CDH23: variants seen among roughly 807,000 people sequenced by gnomAD.
CDH23 encodes the protein cadherin related 23.
A neutral mutation model predicts 317.1 loss-of-function variants in CDH23; 189 were observed. The observed-to-expected ratio is 0.60, with a 90% CI of 0.53 to 0.67. The LOEUF (loss-of-function observed/expected upper bound fraction) is 0.67, where lower values mean the gene tolerates loss of function less well. Ranked by LOEUF, CDH23 falls within the 30% of genes least tolerant of loss-of-function variation. CDH23 has a pLI of 0.00. For synonymous variants in CDH23, 1,839 were observed against 1,876.8 expected, an observed-to-expected ratio of 0.98 and a Z score of 0.52; for missense variants, 4,401 against 4,592.4, an observed-to-expected ratio of 0.96 and a Z score of 1.20.
intron 1 of CDH23, among the ~76,000 whole-genome samples, chr10:71,406,634 C>T (rs577042782): frequency 7.9e-5 from 12 of 152,268 alleles, no homozygotes; most frequent in African/African-American, 2.6e-4. Context: ...TTGCCGGACA[C>T]TTTGATTTTT....
chr10:71,786,938 G>A (rs1454584441), intron 44 of CDH23, among the ~76,000 whole-genome samples: 1 of 152,154 alleles, frequency 6.6e-6, no homozygotes, highest in Non-Finnish European at 1.5e-5. Flanking sequence ...GCCCCACTCT[G>A]CTGCTAACTC....
chr10:71,494,953 G>A (rs1218824251), intron 3 of CDH23, among the ~76,000 whole-genome samples: 3 of 152,156 alleles, frequency 2.0e-5, no homozygotes, highest in Non-Finnish European at 4.4e-5. Context: ...CCCAGGGGGA[G>A]AGGAATGGAG....
intron 9 of CDH23, among the ~76,000 whole-genome samples, chr10:71,590,893 A>AAAC (rs763188194): frequency 7.1e-6 from 1 of 140,672 alleles, no homozygotes; most frequent in Non-Finnish European, 1.5e-5. Context: ...AAAACAAAAA[A>AAAC]AAACAAAAAA....
At chr10:71,668,725 C>T (rs1473406727) in intron 14 of CDH23, among the ~76,000 whole-genome samples, 1 of 152,224 alleles carries the variant, frequency 6.6e-6, no homozygotes, top group Non-Finnish European at 1.5e-5. Flanking sequence ...CTTCCCCTCG[C>T]TACAGCCAGG....
intron 1 of CDH23, among the ~76,000 whole-genome samples, chr10:71,436,562 C>T (rs1389601461): frequency 6.6e-6 from 1 of 152,200 alleles, no homozygotes. Flanking sequence ...AGAGTGACCT[C>T]TCTGAGCCTC....
intron 57 of CDH23, 44 bp from the exon 58 acceptor site, chr10:71,807,233 G>A (rs918536344): frequency 6.2e-7 from 1 of 1,603,132 alleles, no homozygotes; most frequent in Admixed American, 1.7e-5. Flanking sequence ...GGAAGCTCGG[G>A]TCTTCCCTTG....
At chr10:71,520,061 G>A (rs1309862619) in intron 6 of CDH23, among the ~76,000 whole-genome samples, 6 of 152,212 alleles carry the variant, frequency 3.9e-5, no homozygotes, top group Non-Finnish European at 7.3e-5. Flanking sequence ...GCCTGCTGCG[G>A]CTTCCTAAAG....
At chr10:71,559,697 C>G (rs1057175012) in intron 6 of CDH23, among the ~76,000 whole-genome samples, 1 of 152,086 alleles carries the variant, frequency 6.6e-6, no homozygotes, top group Non-Finnish European at 1.5e-5. Flanking sequence ...GAGATGTCCT[C>G]GAGCCATGTC....
chr10:71,626,799 G>T (rs1366548803), intron 11 of CDH23, among the ~76,000 whole-genome samples: 4 of 152,188 alleles, frequency 2.6e-5, no homozygotes, highest in African/African-American at 9.7e-5. Context: ...CCATGAAGGT[G>T]GTAACTGGGA....
chr10:71,615,630 G>C lies in CDH23; in HGVS notation c.945+14G>C, dbSNP rs1456096272. 2 of 1,576,084 alleles carry C rather than the reference G, an allele frequency of 1.3e-6. No homozygotes were observed. Among genetic ancestry groups the C allele is most frequent in the East Asian group, 4.5e-5 (2 of 44,700 alleles). On this transcript the variant is annotated intron_variant, in intron 10 of 69. Coordinates refer to ENST00000224721, the MANE Select transcript of CDH23 (RefSeq NM_022124.6). Reference sequence around the variant, plus strand: ...CTGACTGTGAAGGTGAGACCTGGGTGGGCACCTTCACCCCAGGTAGAGGAG... The same window carrying C: ...CTGACTGTGAAGGTGAGACCTGGGTCGGCACCTTCACCCCAGGTAGAGGAG...
intron 14 of CDH23, among the ~76,000 whole-genome samples, chr10:71,671,206 C>T (rs145106217): frequency 2.0e-4 from 31 of 152,058 alleles, no homozygotes; most frequent in African/African-American, 3.6e-4. Flanking sequence ...GTGACCCATC[C>T]GCCTCGGCCT....
chr10:71,398,466 T>A (rs1417504879), intron 1 of CDH23, among the ~76,000 whole-genome samples: 2 of 145,968 alleles, frequency 1.4e-5, no homozygotes, highest in Middle Eastern at 3.5e-3. Flanking sequence ...TGTGTGTGTG[T>A]GTGTGTGTGT....
At chr10:71,712,843 G>T (rs949198537) in intron 28 of CDH23, 30 bp downstream of exon 28, 1 of 1,603,248 alleles carries the variant, frequency 6.2e-7, no homozygotes, top group Non-Finnish European at 8.5e-7. Flanking sequence ...TGGGGCAGGT[G>T]GTGGGCTGGG....
Position 71,510,035 on chromosome 10 carries a change from C to T in CDH23, c.146-47C>T, listed in dbSNP as rs374825281. The T allele has an allele frequency of 1.4e-4, 223 of 1,612,490 alleles. 1 individual carries two copies. The highest frequency in any genetic ancestry group is 1.7e-4 in the Non-Finnish European group (205 of 1,178,782). ...CCTGGGCAAGGTAGGAAGGCATAAA[C>T]GTGACCTCTCTTATTTTCCCTCTGC... On this transcript the variant is annotated intron_variant, in intron 3 of 69. Transcript: ENST00000224721.
intron 16 of CDH23, 51 bp from the exon 17 acceptor site, chr10:71,679,336 G>GC: frequency 8.7e-7 from 1 of 1,151,916 alleles, no homozygotes; most frequent in Non-Finnish European, 1.3e-6. Flanking sequence ...CCCTCTTCTG[G>GC]CCCCCAGTCT....
intron 34 of CDH23, among the ~76,000 whole-genome samples, chr10:71,737,096 T>C (rs756840650): frequency 6.6e-6 from 1 of 152,120 alleles, no homozygotes; most frequent in Non-Finnish European, 1.5e-5. Flanking sequence ...CTTGTCTGTT[T>C]TCACCCTGAG....
chr10:71,694,686 G>T (rs1311324139), intron 21 of CDH23, among the ~76,000 whole-genome samples: 2 of 152,138 alleles, frequency 1.3e-5, no homozygotes, highest in African/African-American at 4.8e-5. Context: ...ATGTGCCCCA[G>T]AGAGTAGAAA....
At chr10:71,475,934 T>C (rs915640784) in intron 3 of CDH23, among the ~76,000 whole-genome samples, 1 of 152,186 alleles carries the variant, frequency 6.6e-6, no homozygotes, top group Non-Finnish European at 1.5e-5. Flanking sequence ...CTAGGCAGGT[T>C]GGCTGCCCTC....
intron 9 of CDH23, among the ~76,000 whole-genome samples, chr10:71,611,850 TCA>T (rs1860916700): frequency 6.6e-6 from 1 of 152,260 alleles, no homozygotes; most frequent in Non-Finnish European, 1.5e-5. Flanking sequence ...ACTGAAGGCA[TCA>T]ACCTTGCCTG....
Sources: gnomAD v4.1 joint callset for allele counts (sites outside exome capture counted in the v4.1 genomes callset) on GRCh38, gnomAD v4.1.1 for gene constraint, MANE v1.5 for transcripts, NCBI Gene and HGNC (gene_info 2026-07-23, HGNC 2026-07-21) for gene names.